The following PRPS2 variants were observed in gnomAD, a reference collection of about 807,000 sequenced individuals.
PRPS2 encodes the protein ribose-phosphate pyrophosphokinase 2.
For missense variants in PRPS2, 104 were observed against 271.5 expected, an observed-to-expected ratio of 0.38 and a Z score of 4.34; for synonymous variants, 111 against 115.3, an observed-to-expected ratio of 0.96 and a Z score of 0.24.
At chrX:12,805,852 C>A (rs755367299) in intron 2 of PRPS2, among the ~76,000 whole-genome samples, 87 of 112,003 alleles carry the variant, frequency 7.8e-4, no homozygotes, top group Non-Finnish European at 1.1e-3. Context: ...GCGGGCGGAT[C>A]ACCTGAGGTC....
chrX:12,801,229 T>C (rs1292134393), intron 2 of PRPS2, among the ~76,000 whole-genome samples: 1 of 106,782 alleles, frequency 9.4e-6, no homozygotes, highest in Non-Finnish European at 1.9e-5. Flanking sequence ...CACGTGTGTG[T>C]GTGTGTGTGT....
Position 12,819,572 on chromosome X carries a change from C to T in PRPS2, c.596C>T (p.Ala199Val), listed in dbSNP as rs139958695. 8.3e-7 allele frequency: 1 copy of T among 1,211,134 alleles called. No homozygotes were observed. The highest frequency in any genetic ancestry group is 1.1e-6 in the Non-Finnish European group (1 of 895,109). Residue 199 changes from alanine (A) to valine (V), a missense_variant, in exon 5 of 7, where the codon GCG becomes GTG. By Grantham distance (64) the Ala-to-Val change is moderately conservative (BLOSUM62 0). Transcript: ENST00000380668. The stretch of plus-strand genomic sequence containing the variant: ...TTGATCCACAAAGAGAGGAAGAAGG[C>T]GAATGAAGTGGACCGGATGGTCCTG... ...FALIHKERKKANEVDRMVLVG... is the reference protein window; with the variant it reads ...FALIHKERKKVNEVDRMVLVG...
chrX:12,794,347 C>T (rs1191745315), intron 1 of PRPS2, among the ~76,000 whole-genome samples: 1 of 111,702 alleles, frequency 9.0e-6, no homozygotes, highest in East Asian at 2.8e-4. Context: ...AGCTTCCTTA[C>T]AGCATGGAAG....
At chrX:12,820,623 T>C in intron 5 of PRPS2, 21 bp from the exon 6 acceptor site, 1 of 1,195,433 alleles carries the variant, frequency 8.4e-7, no homozygotes, top group Non-Finnish European at 1.1e-6. Context: ...CCCTTAATTT[T>C]TATCTTCTGC....
intron 1 of PRPS2, among the ~76,000 whole-genome samples, chrX:12,792,014 G>A (rs1380503721): frequency 8.8e-6 from 1 of 113,297 alleles, no homozygotes; most frequent in Admixed American, 9.2e-5. Context: ...TCGGGTCAGC[G>A]CGCGGTGGAG....
chrX:12,794,367 A>G (rs2147213211), intron 1 of PRPS2, among the ~76,000 whole-genome samples: 1 of 111,707 alleles, frequency 9.0e-6, no homozygotes. Flanking sequence ...GCTGGGTTCT[A>G]AGAGCACATG....
intron 2 of PRPS2, among the ~76,000 whole-genome samples, chrX:12,804,433 C>T (rs1397666538): frequency 2.7e-5 from 3 of 111,503 alleles, no homozygotes; most frequent in Middle Eastern, 4.6e-3. Flanking sequence ...TGAACCACCG[C>T]GCCTGGCCCA....
chrX:12,808,736 G>A (rs921712819), intron 2 of PRPS2, among the ~76,000 whole-genome samples: 7 of 112,129 alleles, frequency 6.2e-5, no homozygotes, highest in Non-Finnish European at 1.3e-4. Context: ...GCCTCTGGCT[G>A]TGTGAGGGTC....
intron 4 of PRPS2, among the ~76,000 whole-genome samples, chrX:12,812,526 C>T (rs1471128555): frequency 9.0e-6 from 1 of 111,555 alleles, no homozygotes; most frequent in Non-Finnish European, 1.9e-5. Flanking sequence ...ATTCAGGAAG[C>T]TGAGGCAGGA....
chrX:12,823,777 G>T lies in PRPS2; in HGVS notation c.*981G>T, dbSNP rs1328587783. On this transcript the variant is annotated 3_prime_UTR_variant, in exon 7 of 7. Coordinates refer to ENST00000380668, the MANE Select transcript of PRPS2 (RefSeq NM_002765.5). Reference sequence around the variant, plus strand: ...TCAGAATACATTTATGAACCAATGCGACTGGACTTAGCCACACACAATGGA... The same window carrying T: ...TCAGAATACATTTATGAACCAATGCTACTGGACTTAGCCACACACAATGGA... 1.8e-5 allele frequency: 2 copies of T among 111,998 alleles called. No individual in the cohort carries two copies. Among genetic ancestry groups the T allele is most frequent in the African/African-American group, 3.2e-5 (1 of 30,823 alleles). 9.2% of individuals were successfully genotyped at this position (111,998 alleles called of 1,213,427 possible).
chrX:12,806,116 A>T (rs1308283290), intron 2 of PRPS2, among the ~76,000 whole-genome samples: 1 of 110,979 alleles, frequency 9.0e-6, no homozygotes, highest in African/African-American at 3.3e-5. Context: ...TGTGGGCAAG[A>T]CTGGGAATAA....
chrX:12,793,917 A>G (rs1219518431), intron 1 of PRPS2, among the ~76,000 whole-genome samples: 1 of 112,226 alleles, frequency 8.9e-6, no homozygotes, highest in South Asian at 3.7e-4. Flanking sequence ...CAGCTTCACT[A>G]TAGACCATGG....
At position 12,810,153 on chromosome X, in the gene PRPS2, T is replaced by A. The variant is rs1193836902; in HGVS notation, c.530+7T>A. On this transcript the variant is annotated splice_region_variant and intron_variant, in intron 4 of 6. Coordinates refer to ENST00000380668, the MANE Select transcript of PRPS2 (RefSeq NM_002765.5). Reference sequence around the variant, plus strand: ...ACGCAGGGGGAGCCAAAAGGTATCATGCAGGCTACACCTTGCAGATTTCTC... The same window carrying A: ...ACGCAGGGGGAGCCAAAAGGTATCAAGCAGGCTACACCTTGCAGATTTCTC... 4.1e-6 allele frequency: 5 copies of A among 1,211,736 alleles called. No homozygotes were observed.
chrX:12,808,287 A>AGTGT (rs762950596), intron 2 of PRPS2, among the ~76,000 whole-genome samples: 2 of 46,487 alleles, frequency 4.3e-5, no homozygotes, highest in Non-Finnish European at 8.6e-5. Flanking sequence ...ACATGAATAT[A>AGTGT]CTGTGTGTGT....
chrX:12,820,411 C>T (rs1168345116), intron 5 of PRPS2, among the ~76,000 whole-genome samples: 1 of 111,069 alleles, frequency 9.0e-6, no homozygotes, highest in Non-Finnish European at 1.9e-5. Flanking sequence ...GGACAGCCCC[C>T]GTGACAAAGA....
In PRPS2 at chrX:12,800,815, G is replaced by C. The variant is rs150310550; in HGVS notation, c.306+1425G>C. Among the ~76,000 whole-genome samples the C allele has an allele frequency of 2.9e-3, 323 of 111,321 alleles. 3 individuals are homozygous for C. The highest frequency in any genetic ancestry group is 0.01 in the African/African-American group (314 of 30,639). On this transcript the variant is annotated intron_variant, in intron 2 of 6. Coordinates refer to ENST00000380668, the MANE Select transcript of PRPS2 (RefSeq NM_002765.5). Reference sequence around the variant, plus strand: ...TTTAATCCCAGTCTCCTCAAGACATGGTTTCCATTCCCTGTCTTGAAGATG... The same window carrying C: ...TTTAATCCCAGTCTCCTCAAGACATCGTTTCCATTCCCTGTCTTGAAGATG...
chrX:12,809,161 A>G (rs762642562), intron 2 of PRPS2, 73 bp from the exon 3 acceptor site: 65 of 945,782 alleles, frequency 6.9e-5, no homozygotes, highest in Non-Finnish European at 9.5e-5. Flanking sequence ...TATCCTTCTC[A>G]TGTACGTCTT....
chrX:12,815,180 T>C (rs1010667764), intron 4 of PRPS2, among the ~76,000 whole-genome samples: 9 of 111,666 alleles, frequency 8.1e-5, no homozygotes, highest in African/African-American at 2.9e-4. Context: ...TATTTTCTCT[T>C]ATCTTCTTCT....
chrX:12,793,352 A>G (rs998236985), intron 1 of PRPS2, among the ~76,000 whole-genome samples: 1 of 112,620 alleles, frequency 8.9e-6, no homozygotes, highest in African/African-American at 3.2e-5. Context: ...CACATGTGCC[A>G]CTGGGCAAAA....
Sources: allele counts gnomAD v4.1 joint callset (sites outside exome capture counted in the v4.1 genomes callset), GRCh38; gene constraint gnomAD v4.1.1; transcripts MANE v1.5; gene names NCBI Gene and HGNC (gene_info 2026-07-23, HGNC 2026-07-21).